LRRTM4: variants seen among roughly 807,000 people sequenced by gnomAD.
LRRTM4 encodes the protein leucine rich repeat transmembrane neuronal 4.
Under a neutral mutation model 47.6 loss-of-function variants are expected in LRRTM4, and 25 were observed. The ratio of observed to expected loss-of-function variants is 0.53; its 90% confidence interval spans 0.38 to 0.73. LRRTM4 has a LOEUF of 0.73. Ranked by LOEUF, LRRTM4 falls within the 30% of genes least tolerant of loss-of-function variation. The pLI is 0.00. For missense variants in LRRTM4, 638 were observed against 713.4 expected (o/e 0.89, Z 1.20); for synonymous variants, 311 against 269.5 (o/e 1.15, Z -1.51).
chr2:77,418,343 G>C (rs993093458), intron 3 of LRRTM4, among the ~76,000 whole-genome samples: 7 of 152,120 alleles, frequency 4.6e-5, no homozygotes, highest in Admixed American at 2.0e-4. Context: ...TTTTTGAAGA[G>C]TTTATACAGA....
At chr2:77,103,646 T>C (rs1671014971) in intron 3 of LRRTM4, among the ~76,000 whole-genome samples, 1 of 133,228 alleles carries the variant, frequency 7.5e-6, no homozygotes, top group Non-Finnish European at 1.6e-5. Context: ...TATACATGAG[T>C]GTATATATAT....
At chr2:77,206,472 A>C (rs985143236) in intron 3 of LRRTM4, among the ~76,000 whole-genome samples, 1 of 151,808 alleles carries the variant, frequency 6.6e-6, no homozygotes, top group Non-Finnish European at 1.5e-5. Flanking sequence ...GATGTAAGCC[A>C]CCATGCTTTG....
chr2:77,379,238 C>G (rs1165291536), intron 3 of LRRTM4, among the ~76,000 whole-genome samples: 1 of 151,958 alleles, frequency 6.6e-6, no homozygotes, highest in African/African-American at 2.4e-5. Flanking sequence ...CTCACCCTCC[C>G]CTGTTTTGGC....
intron 3 of LRRTM4, among the ~76,000 whole-genome samples, chr2:77,267,663 C>A (rs7562813): frequency 0.089 from 13,459 of 151,318 alleles, 1,564 homozygotes; most frequent in African/African-American, 0.27. Context: ...CACTTTACCT[C>A]CCTGGTTAGT....
intron 3 of LRRTM4, among the ~76,000 whole-genome samples, chr2:76,892,323 T>A (rs556632889): frequency 6.6e-6 from 1 of 151,844 alleles, no homozygotes; most frequent in South Asian, 2.1e-4. Flanking sequence ...GCTATTTGGT[T>A]ATTTGAAAGA....
Position 76,764,508 on chromosome 2 carries a change from A to G in LRRTM4, c.1552-15592T>C, listed in dbSNP as rs938860396. Among the ~76,000 whole-genome samples, 8 of 151,970 alleles carry G rather than the reference A, an allele frequency of 5.3e-5. No individual in the cohort carries two copies. In the East Asian group the frequency reaches 1.4e-3, roughly 26 times the overall value. ...TAGCTGGGCGTGGTGGCGGGCGCCT[A>G]TAGTCCCAGCTACTCCGGAGGCTGA... On this transcript the variant is annotated intron_variant, in intron 3 of 3. Transcript: ENST00000409884.
chr2:77,381,746 A>G (rs1673060805), intron 3 of LRRTM4, among the ~76,000 whole-genome samples: 1 of 152,062 alleles, frequency 6.6e-6, no homozygotes, highest in Admixed American at 6.6e-5. Flanking sequence ...TTTGAAAAAT[A>G]ATATCCATTA....
chr2:76,913,615 C>T (rs1674146449), intron 3 of LRRTM4, among the ~76,000 whole-genome samples: 1 of 146,920 alleles, frequency 6.8e-6, no homozygotes, highest in Non-Finnish European at 1.5e-5. Flanking sequence ...TCTTGGCTCA[C>T]TGCAACCTCT....
chr2:76,829,105 A>T lies in LRRTM4; in HGVS notation c.1552-80189T>A, dbSNP rs551426966. Reference sequence around the variant, plus strand: ...GTCCTTCAAGTCCACAGTCTTAGACATCAGGATTTGCATTTTCTGCTCAAA... The same window carrying T: ...GTCCTTCAAGTCCACAGTCTTAGACTTCAGGATTTGCATTTTCTGCTCAAA... On this transcript the variant is annotated intron_variant, in intron 3 of 3. Transcript: ENST00000409884. Among the ~76,000 whole-genome samples, 7 of 152,078 alleles carry T rather than the reference A, an allele frequency of 4.6e-5. No homozygotes were observed. In the South Asian group the frequency reaches 1.4e-3, roughly 31 times the overall value.
chr2:77,240,405 T>G (rs1376916132), intron 3 of LRRTM4, among the ~76,000 whole-genome samples: 1 of 151,958 alleles, frequency 6.6e-6, no homozygotes, highest in Non-Finnish European at 1.5e-5. Context: ...AACTCTTTAA[T>G]TCCTCAGCAA....
chr2:77,197,182 G>A (rs1673852816), intron 3 of LRRTM4, among the ~76,000 whole-genome samples: 1 of 152,088 alleles, frequency 6.6e-6, no homozygotes, highest in Admixed American at 6.6e-5. Flanking sequence ...ACTGAGGATA[G>A]ATTAAGTAAT....
rs1036177160 is a variant in LRRTM4 at position 77,133,822 on chromosome 2, G to C, written c.1551+384496C>G. Among the ~76,000 whole-genome samples, 16 of 152,318 alleles carry C rather than the reference G, an allele frequency of 1.1e-4. 1 individual carries two copies. Among genetic ancestry groups the C allele is most frequent in the Middle Eastern group, 3.4e-3 (1 of 294 alleles). On this transcript the variant is annotated intron_variant, in intron 3 of 3. Coordinates refer to ENST00000409884, the MANE Select transcript of LRRTM4 (RefSeq NM_001134745.3). The stretch of plus-strand genomic sequence containing the variant: ...CTTCAGGCATGAGTTTCCGCAGTCA[G>C]TTGGAATAAATGTATGTGACTAAAC...
chr2:76,886,174 A>T (rs1273063648), intron 3 of LRRTM4, among the ~76,000 whole-genome samples: 7 of 152,214 alleles, frequency 4.6e-5, no homozygotes, highest in African/African-American at 1.7e-4. Context: ...ACAAAATTTA[A>T]AAGGTGTATA....
intron 3 of LRRTM4, among the ~76,000 whole-genome samples, chr2:77,060,272 T>A (rs1220558423): frequency 6.6e-6 from 1 of 152,196 alleles, no homozygotes; most frequent in Non-Finnish European, 1.5e-5. Context: ...GATGAAAAAT[T>A]TACTGGTGAT....
At chr2:77,090,168 G>C (rs376735816) in intron 3 of LRRTM4, among the ~76,000 whole-genome samples, 3 of 152,044 alleles carry the variant, frequency 2.0e-5, no homozygotes, top group Non-Finnish European at 2.9e-5. Context: ...TTACAGTTTC[G>C]TTCCGTGACT....
rs1254970577 is a variant in LRRTM4, at chr2:77,407,737, T to A, written c.1551+110581A>T. 1.8e-4 allele frequency among the ~76,000 whole-genome samples: 24 copies of A among 136,790 alleles called. 1 individual carries two copies. Among genetic ancestry groups the A allele is most frequent in the African/African-American group, 6.1e-4 (22 of 35,964 alleles). The allele number at this position is 136,790 out of a possible 152,430, so 89.7% of individuals were successfully genotyped here. ...CATATATTATATTATATATTATATA[T>A]TATATTCTATTATATTATGATATTA... On this transcript the variant is annotated intron_variant, in intron 3 of 3. Coordinates refer to ENST00000409884, the MANE Select transcript of LRRTM4 (RefSeq NM_001134745.3).
intron 3 of LRRTM4, among the ~76,000 whole-genome samples, chr2:76,783,156 A>C (rs1674490708): frequency 6.6e-6 from 1 of 152,146 alleles, no homozygotes; most frequent in African/African-American, 2.4e-5. Context: ...TTCCACCAAC[A>C]TTGAATGAAT....
chr2:77,385,689 CTTCT>C (rs993575057), intron 3 of LRRTM4, among the ~76,000 whole-genome samples: 83 of 144,966 alleles, frequency 5.7e-4, no homozygotes, highest in Middle Eastern at 3.6e-3. Flanking sequence ...TTTGTTTTCT[CTTCT>C]TTTTCTAAAA....
At chr2:76,804,267 T>A (rs796532455) in intron 3 of LRRTM4, among the ~76,000 whole-genome samples, 38 of 152,174 alleles carry the variant, frequency 2.5e-4, no homozygotes, top group Middle Eastern at 3.2e-3. Context: ...ATTCTGAGAT[T>A]TTTTAATTTG....
Sources: gnomAD v4.1 joint callset for allele counts (sites outside exome capture counted in the v4.1 genomes callset) on GRCh38, gnomAD v4.1.1 for gene constraint, MANE v1.5 for transcripts, NCBI Gene and HGNC (gene_info 2026-07-23, HGNC 2026-07-21) for gene names.